Variants in CTNND2 observed in about 807,000 individuals in gnomAD.
The protein encoded by CTNND2 is catenin delta-2.
In CTNND2, 22 loss-of-function variants were observed where a neutral mutation model predicts 144.4. That is an observed-to-expected ratio of 0.15 (90% confidence interval 0.11 to 0.22). The LOEUF (loss-of-function observed/expected upper bound fraction) is 0.22. Among genes scored for constraint, CTNND2 ranks in the 10% least tolerant of loss-of-function variants. The probability of loss-of-function intolerance (pLI) is 1.00; values close to 1 mark genes in which losing one functional copy is unlikely to be tolerated. For missense variants in CTNND2, 1,353 were observed against 1,618.8 expected (o/e 0.84, Z 2.82); for synonymous variants, 751 against 695.6 (o/e 1.08, Z -1.25).
chr5:11,474,851 C>T (rs891112956), intron 3 of CTNND2, among the ~76,000 whole-genome samples: 1 of 152,114 alleles, frequency 6.6e-6, no homozygotes, highest in African/African-American at 2.4e-5. Flanking sequence ...TACCAATTAC[C>T]TTCCATGGTA....
intron 2 of CTNND2, among the ~76,000 whole-genome samples, chr5:11,662,826 C>T (rs1211756694): frequency 6.6e-6 from 1 of 152,122 alleles, no homozygotes; most frequent in Non-Finnish European, 1.5e-5. Context: ...TCCCAAAACC[C>T]CGTCCATGGA....
chr5:11,019,865 G>GA (rs1027047524), intron 17 of CTNND2, among the ~76,000 whole-genome samples: 3 of 151,722 alleles, frequency 2.0e-5, no homozygotes, highest in African/African-American at 7.3e-5. Context: ...TAAAATTGGG[G>GA]AAAAAAAACC....
At chr5:11,014,037 T>C (rs915414766) in intron 18 of CTNND2, among the ~76,000 whole-genome samples, 2 of 152,208 alleles carry the variant, frequency 1.3e-5, no homozygotes. Flanking sequence ...TTGGGCCACC[T>C]GCCTGAGCAC....
chr5:11,903,625 C>T lies in CTNND2; in HGVS notation c.37+192G>A, dbSNP rs1480906323. On this transcript the variant is annotated intron_variant, in intron 1 of 21. Transcript: ENST00000304623. The surrounding 1 kb of genome is among the most constrained non-coding windows in gnomAD (Gnocchi z 5.4). Reference sequence around the variant, plus strand: ...AAAGGCACTAACCCCGGACCCCCTTCCAGGCACAGCGGCTTCCGAGGGGGA... The same window carrying T: ...AAAGGCACTAACCCCGGACCCCCTTTCAGGCACAGCGGCTTCCGAGGGGGA... Among the ~76,000 whole-genome samples the T allele has an allele frequency of 1.3e-5, 2 of 152,170 alleles. No individual in the cohort carries two copies. Among genetic ancestry groups the T allele is most frequent in the Non-Finnish European group, 2.9e-5 (2 of 68,030 alleles).
chr5:11,648,609 A>AT lies in CTNND2; in HGVS notation c.174+83526dup, dbSNP rs536208073. On this transcript the variant is annotated intron_variant, in intron 2 of 21. Transcript: ENST00000304623. ...GATGCCTGTTTTGCTATAAAGTTAC[A>AT]TTTTTTTCCAATTAGTAAGTTATCT... Among the ~76,000 whole-genome samples, 190 of 152,120 alleles carry AT rather than the reference A, an allele frequency of 1.2e-3. 1 individual carries two copies. The highest frequency in any genetic ancestry group is 4.3e-3 in the African/African-American group (180 of 41,496).
At chr5:11,407,291 T>C (rs1436950102) in intron 5 of CTNND2, among the ~76,000 whole-genome samples, 2 of 149,940 alleles carry the variant, frequency 1.3e-5, no homozygotes, top group African/African-American at 5.1e-5. Context: ...GACTAGTTTG[T>C]TTAACAATAT....
chr5:11,112,768 C>A (rs1753133438), intron 13 of CTNND2, among the ~76,000 whole-genome samples: 1 of 152,236 alleles, frequency 6.6e-6, no homozygotes, highest in South Asian at 2.1e-4. Flanking sequence ...TACCATTTCA[C>A]AAGCTGTGGG....
chr5:11,880,498 C>CCAG (rs1735956787), intron 1 of CTNND2, among the ~76,000 whole-genome samples: 1 of 17,578 alleles, frequency 5.7e-5, no homozygotes, highest in South Asian at 4.2e-3. Flanking sequence ...ACTACTGCTA[C>CCAG]TAGTACTACT....
intron 2 of CTNND2, among the ~76,000 whole-genome samples, chr5:11,711,464 A>G (rs146609661): frequency 3.7e-4 from 57 of 152,304 alleles, no homozygotes; most frequent in African/African-American, 1.3e-3. Flanking sequence ...AGAAATGTAC[A>G]TTCAGGTTTC....
At chr5:11,470,692 T>C (rs1405814182) in intron 3 of CTNND2, among the ~76,000 whole-genome samples, 1 of 152,028 alleles carries the variant, frequency 6.6e-6, no homozygotes, top group East Asian at 1.9e-4. Flanking sequence ...TCCTTGGCTA[T>C]GACAGTTCCT....
chr5:10,974,632 T>A (rs61752742), intron 21 of CTNND2, among the ~76,000 whole-genome samples: 2,537 of 152,304 alleles, frequency 0.017, 43 homozygotes, highest in Non-Finnish European at 0.02. Flanking sequence ...CATACCGGGA[T>A]GCACAAAGCT....
chr5:11,763,163 C>G (rs1003440830), intron 1 of CTNND2, among the ~76,000 whole-genome samples: 2 of 152,166 alleles, frequency 1.3e-5, no homozygotes, highest in African/African-American at 4.8e-5. Flanking sequence ...CACCTTCCAT[C>G]ATGAGTGTAT....
intron 18 of CTNND2, among the ~76,000 whole-genome samples, chr5:11,006,074 T>C (rs1026124406): frequency 4.6e-5 from 7 of 151,676 alleles, no homozygotes; most frequent in African/African-American, 1.7e-4. Flanking sequence ...AAAAAAACCA[T>C]GGGAGCAGAT....
chr5:11,097,426 C>T (rs1561297569), intron 15 of CTNND2, among the ~76,000 whole-genome samples: 1 of 152,122 alleles, frequency 6.6e-6, no homozygotes, highest in Non-Finnish European at 1.5e-5. Context: ...TAATTATGCC[C>T]ATTCCTAAGA....
At chr5:11,814,005 G>A (rs1206808943) in intron 1 of CTNND2, among the ~76,000 whole-genome samples, 1 of 152,146 alleles carries the variant, frequency 6.6e-6, no homozygotes, top group Non-Finnish European at 1.5e-5. Flanking sequence ...ATTACTAATA[G>A]AATGAGGCTA....
At chr5:11,862,158 T>G (rs1025052566) in intron 1 of CTNND2, among the ~76,000 whole-genome samples, 5 of 152,212 alleles carry the variant, frequency 3.3e-5, no homozygotes, top group Non-Finnish European at 5.9e-5. Flanking sequence ...AATTTCCACA[T>G]TTATATTATC....
chr5:11,397,079 G>C lies in CTNND2; in HGVS notation c.564C>G (p.Leu188=), dbSNP rs1760210780. ...CTCGGGCTTGTGTGCCTCGGGCCGG[G>C]AGCTGTGAAGGGGTGGTTTCCCCCA... is the stretch of plus-strand genomic sequence containing the variant. ...LALGETTPSQ[L]PARGTQARAT... is the part of the protein sequence containing the mutation. The change falls in exon 6 of 22, where the codon CTC becomes CTG. Residue 188 remains leucine, a synonymous_variant. Coordinates refer to ENST00000304623, the MANE Select transcript of CTNND2 (RefSeq NM_001332.4). 6.2e-7 allele frequency: 1 copy of C among 1,613,960 alleles called. No individual in the cohort carries two copies. Among genetic ancestry groups the C allele is most frequent in the Non-Finnish European group, 8.5e-7 (1 of 1,180,046 alleles).
intron 9 of CTNND2, among the ~76,000 whole-genome samples, chr5:11,327,398 A>C (rs1223067885): frequency 6.6e-6 from 1 of 152,174 alleles, no homozygotes; most frequent in Non-Finnish European, 1.5e-5. Flanking sequence ...GCAAGTTGAA[A>C]CTTTTGACTT....
At chr5:11,301,086 G>A (rs577118648) in intron 9 of CTNND2, among the ~76,000 whole-genome samples, 44 of 152,160 alleles carry the variant, frequency 2.9e-4, no homozygotes, top group African/African-American at 8.9e-4. Context: ...GCCCTATCTC[G>A]GCTCATTGCA....
Sources: allele counts gnomAD v4.1 joint callset (sites outside exome capture counted in the v4.1 genomes callset), GRCh38; gene constraint gnomAD v4.1.1; non-coding constraint Gnocchi (gnomAD v3.1); transcripts MANE v1.5; gene names NCBI Gene and HGNC (gene_info 2026-07-23, HGNC 2026-07-21).